PAFAH1B1: variants seen among roughly 807,000 people sequenced by gnomAD.
PAFAH1B1 encodes the protein platelet activating factor acetylhydrolase 1b regulatory subunit 1.
Under a neutral mutation model 57.5 loss-of-function variants are expected in PAFAH1B1, and 2 were observed. That is an observed-to-expected ratio of 0.03 (90% CI 0.01 to 0.11). The LOEUF (loss-of-function observed/expected upper bound fraction) is 0.11, where lower values mean the gene tolerates loss of function less well. Ranked by LOEUF, PAFAH1B1 falls within the 10% of genes least tolerant of loss-of-function variation. The pLI is 1.00. For missense variants in PAFAH1B1, 257 were observed against 512.0 expected, an observed-to-expected ratio of 0.50 and a Z score of 4.81; for synonymous variants, 152 against 169.6, an observed-to-expected ratio of 0.90 and a Z score of 0.81.
chr17:2,633,475 C>CTT (rs528278757), intron 1 of PAFAH1B1, among the ~76,000 whole-genome samples: 26 of 141,994 alleles, frequency 1.8e-4, no homozygotes, highest in East Asian at 6.1e-4. Context: ...GCCAGGATTT[C>CTT]TTTTTTTTTT....
chr17:2,613,132 T>C (rs188337175), intron 1 of PAFAH1B1, among the ~76,000 whole-genome samples: 1 of 151,724 alleles, frequency 6.6e-6, no homozygotes, highest in East Asian at 1.9e-4. Flanking sequence ...TCTTTTTTTT[T>C]CACATTTTCC....
At chr17:2,602,636 C>A (rs1044877846) in intron 1 of PAFAH1B1, among the ~76,000 whole-genome samples, 2 of 152,184 alleles carry the variant, frequency 1.3e-5, no homozygotes, top group African/African-American at 4.8e-5. Flanking sequence ...GTCCGGTTAA[C>A]GTCTTTCTGC....
chr17:2,629,466 A>G (rs568929904), intron 1 of PAFAH1B1, among the ~76,000 whole-genome samples: 52 of 152,324 alleles, frequency 3.4e-4, no homozygotes, highest in African/African-American at 1.2e-3. Flanking sequence ...AGTGCTTGAT[A>G]TAATTTCAAT....
chr17:2,665,337 CT>C (rs35673615), intron 2 of PAFAH1B1, 34 bp from the exon 3 acceptor site: 128 of 1,202,510 alleles, frequency 1.1e-4, no homozygotes, highest in Non-Finnish European at 1.3e-4. Context: ...GAAATGAGGT[CT>C]TTTTTTTAGG....
At chr17:2,656,291 T>TA (rs966579886) in intron 2 of PAFAH1B1, among the ~76,000 whole-genome samples, 5 of 151,414 alleles carry the variant, frequency 3.3e-5, no homozygotes, top group African/African-American at 7.3e-5. Context: ...ATCTCTACTT[T>TA]AAAAAAAAAT....
At chr17:2,627,476 T>C (rs181385699) in intron 1 of PAFAH1B1, among the ~76,000 whole-genome samples, 11 of 152,342 alleles carry the variant, frequency 7.2e-5, no homozygotes, top group Non-Finnish European at 1.6e-4. Flanking sequence ...AGTGCCACGC[T>C]GTTTTGGTGA....
chr17:2,628,774 T>C (rs2068522690), intron 1 of PAFAH1B1, among the ~76,000 whole-genome samples: 1 of 152,206 alleles, frequency 6.6e-6, no homozygotes, highest in African/African-American at 2.4e-5. Flanking sequence ...CTGCTTGTTA[T>C]TGGTCTGTTC....
chr17:2,606,810 CTT>C (rs770011553), intron 1 of PAFAH1B1, among the ~76,000 whole-genome samples: 1,793 of 101,658 alleles, frequency 0.018, 214 homozygotes, highest in African/African-American at 0.048. Flanking sequence ...TGCCTCAGAG[CTT>C]TTTTTTTTTT....
intron 2 of PAFAH1B1, among the ~76,000 whole-genome samples, chr17:2,645,597 A>T (rs2068756720): frequency 6.8e-6 from 1 of 146,608 alleles, no homozygotes; most frequent in Non-Finnish European, 1.5e-5. Context: ...TGTCTCAAAA[A>T]TATATATATT....
chr17:2,601,919 A>C (rs929125582), intron 1 of PAFAH1B1, among the ~76,000 whole-genome samples: 2 of 152,214 alleles, frequency 1.3e-5, no homozygotes, highest in Admixed American at 6.5e-5. Flanking sequence ...AAAGTTGACA[A>C]ATGTAGAAAT....
rs868797922 is a variant in PAFAH1B1, at chr17:2,631,594, G to A, written c.-190-6505G>A. 1.1e-4 allele frequency among the ~76,000 whole-genome samples: 17 copies of A among 152,224 alleles called. No homozygotes were observed. The East Asian group carries it at 2.3e-3, about 21-fold the overall frequency. ...GCTCTCTAAGTTAGTCTGAAACTTC[G>A]ACTGCAAACGGACCTTCAGCTTCTC... On this transcript the variant is annotated intron_variant, in intron 1 of 10. Coordinates refer to ENST00000397195, the MANE Select transcript of PAFAH1B1 (RefSeq NM_000430.4).
chr17:2,650,185 C>T (rs2068829571), intron 2 of PAFAH1B1, among the ~76,000 whole-genome samples: 1 of 152,024 alleles, frequency 6.6e-6, no homozygotes, highest in South Asian at 2.1e-4. Context: ...AACGTAGGTG[C>T]AAGATTTTAT....
chr17:2,610,188 G>A (rs906859736), intron 1 of PAFAH1B1, among the ~76,000 whole-genome samples: 12 of 152,140 alleles, frequency 7.9e-5, no homozygotes, highest in Non-Finnish European at 1.3e-4. Context: ...ATTTCTAGCC[G>A]ACTCAGACTT....
chr17:2,593,918 C>T lies in PAFAH1B1; in HGVS notation c.-279C>T, dbSNP rs1432029562. The T allele has an allele frequency of 1.0e-5, 2 of 199,072 alleles. No individual in the cohort carries two copies. The highest frequency in any genetic ancestry group is 2.0e-5 in the Non-Finnish European group (2 of 100,874). 12.3% of individuals were successfully genotyped at this position (199,072 alleles called of 1,614,324 possible). A position where few individuals can be genotyped will look rare whatever the true frequency, so the allele number is the denominator to read the frequency against. ...CCCCTCCTTCCCTCCCTCCCTCCTT[C>T]CTCCCTCCCCTCTCCCTCCCCCTCC... On this transcript the variant is annotated 5_prime_UTR_variant, in exon 1 of 11. Transcript: ENST00000397195.
Position 2,675,634 on chromosome 17 carries a change from CT to C in PAFAH1B1, c.901-856del, listed in dbSNP as rs11397532. ...AGCGAGACCCCGTCTCTACAGAAAA[CT>C]TTTTTTTTTTTTTTAAACTCACCAC... On this transcript the variant is annotated intron_variant, in intron 8 of 10. Transcript: ENST00000397195. 8.6e-3 allele frequency among the ~76,000 whole-genome samples: 1,259 copies of C among 145,648 alleles called. 8 individuals carry two copies. Among genetic ancestry groups the C allele is most frequent in the African/African-American group, 0.022 (880 of 39,358 alleles).
intron 1 of PAFAH1B1, among the ~76,000 whole-genome samples, chr17:2,618,108 C>T (rs1308576340): frequency 3.3e-5 from 5 of 151,054 alleles, no homozygotes; most frequent in South Asian, 2.1e-4. Context: ...ATTAGCTGGG[C>T]GTGGTGGTGG....
At chr17:2,620,589 C>T (rs559184457) in intron 1 of PAFAH1B1, among the ~76,000 whole-genome samples, 36 of 152,194 alleles carry the variant, frequency 2.4e-4, no homozygotes, top group African/African-American at 7.2e-4. Context: ...CGTGGCCGGG[C>T]GCCGTTGCTC....
chr17:2,623,774 A>AGCTGGGCTCCCAGCCACG (rs1368419263), intron 1 of PAFAH1B1, among the ~76,000 whole-genome samples: 1 of 145,238 alleles, frequency 6.9e-6, no homozygotes, highest in Admixed American at 6.8e-5. Flanking sequence ...TCCCAGCCAC[A>AGCTGGGCTCCCAGCCACG]GTAGCTGGGA....
At chr17:2,597,493 C>G (rs1324126403) in intron 1 of PAFAH1B1, among the ~76,000 whole-genome samples, 1 of 144,388 alleles carries the variant, frequency 6.9e-6, no homozygotes, top group Non-Finnish European at 1.5e-5. Flanking sequence ...TCACTGCAAC[C>G]TCTGCCTTCT....
Sources: gnomAD v4.1 joint callset for allele counts (sites outside exome capture counted in the v4.1 genomes callset) on GRCh38, gnomAD v4.1.1 for gene constraint, MANE v1.5 for transcripts, NCBI Gene and HGNC (gene_info 2026-07-23, HGNC 2026-07-21) for gene names.